Variants in SYN3 observed in about 807,000 individuals in gnomAD.
The protein encoded by SYN3 is synapsin III, also known as synapsin-3.
Under a neutral mutation model 65.8 loss-of-function variants are expected in SYN3, and 35 were observed. The ratio of observed to expected loss-of-function variants is 0.53; its 90% confidence interval spans 0.41 to 0.70. The LOEUF is 0.70. SYN3 is among the 30% of genes least tolerant of loss of function. The probability of loss-of-function intolerance (pLI) is 0.00; values close to 1 mark genes in which losing one functional copy is unlikely to be tolerated. For missense variants in SYN3, 680 were observed against 749.0 expected, an observed-to-expected ratio of 0.91 and a Z score of 1.08; for synonymous variants, 270 against 292.9, an observed-to-expected ratio of 0.92 and a Z score of 0.80.
In SYN3 at chr22:32,945,417, C is replaced by A. The variant is rs1408910819; in HGVS notation, c.370-13936G>T. On this transcript the variant is annotated intron_variant, in intron 3 of 13. Coordinates refer to ENST00000358763, the MANE Select transcript of SYN3 (RefSeq NM_003490.4). ...CTACAACCATCTGATCTTTGACAAA[C>A]CTGACAAAAACAAGAAATGGGGAAA... 4.0e-5 allele frequency among the ~76,000 whole-genome samples: 6 copies of A among 151,820 alleles called. No homozygotes were observed. The East Asian group carries it at 1.2e-3, about 29-fold the overall frequency.
At chr22:32,969,484 T>C (rs1385965105) in intron 3 of SYN3, among the ~76,000 whole-genome samples, 2 of 152,194 alleles carry the variant, frequency 1.3e-5, no homozygotes, top group African/African-American at 4.8e-5. Flanking sequence ...ACTTCATTTG[T>C]TTTTGCTATT....
chr22:32,846,452 A>G (rs1207913835), intron 6 of SYN3, among the ~76,000 whole-genome samples: 3 of 152,254 alleles, frequency 2.0e-5, no homozygotes, highest in Admixed American at 1.3e-4. Flanking sequence ...AGACATCACC[A>G]TAGTGGTGAT....
chr22:32,539,792 A>G (rs941908470), intron 8 of SYN3, among the ~76,000 whole-genome samples: 3 of 14,130 alleles, frequency 2.1e-4, no homozygotes, highest in African/African-American at 6.1e-4. Flanking sequence ...AATCCTCAAG[A>G]AAAAAAAAAA....
At chr22:32,948,104 AT>A (rs1164594284) in intron 3 of SYN3, among the ~76,000 whole-genome samples, 1 of 152,068 alleles carries the variant, frequency 6.6e-6, no homozygotes, top group Non-Finnish European at 1.5e-5. Context: ...CACTTTTCAA[AT>A]TTTTATTGAC....
At chr22:32,913,480 T>A (rs1601682720) in intron 4 of SYN3, among the ~76,000 whole-genome samples, 5 of 151,574 alleles carry the variant, frequency 3.3e-5, no homozygotes, top group African/African-American at 9.7e-5. Flanking sequence ...TTTTTTTTTT[T>A]AAAGAAAAAA....
chr22:32,896,320 G>A (rs2049592656), intron 4 of SYN3, among the ~76,000 whole-genome samples: 1 of 152,130 alleles, frequency 6.6e-6, no homozygotes, highest in African/African-American at 2.4e-5. Flanking sequence ...AGCTGGGCAT[G>A]GTGGCATGCG....
rs73881937 is a variant in SYN3 at position 33,015,474 on chromosome 22, A to G, written c.-162-8650T>C. 5.6e-3 allele frequency: 1,230 copies of G among 221,554 alleles called. 26 individuals carry two copies. Among genetic ancestry groups the G allele is most frequent in the African/African-American group, 0.027 (1,186 of 43,268 alleles). 13.7% of individuals were successfully genotyped at this position (221,554 alleles called of 1,614,324 possible). ...CAACAAAAACTAGTTGATCCTTACT[A>G]CTTTAATTTAGCTGACAACCAGTGC... On this transcript the variant is annotated intron_variant, in intron 1 of 13. Coordinates refer to ENST00000358763, the MANE Select transcript of SYN3 (RefSeq NM_003490.4).
chr22:33,037,150 T>C (rs2145920779), intron 1 of SYN3, among the ~76,000 whole-genome samples: 1 of 152,328 alleles, frequency 6.6e-6, no homozygotes, highest in African/African-American at 2.4e-5. Context: ...CCGCAGCCAA[T>C]GCACCTAAGA....
rs3788466 is a variant in SYN3 at position 32,625,352 on chromosome 22, C to A, written c.712-28616G>T. Among the ~76,000 whole-genome samples the A allele has an allele frequency of 2.6e-5, 4 of 152,242 alleles. No homozygotes were observed. In the East Asian group the frequency reaches 7.7e-4, roughly 29 times the overall value. On this transcript the variant is annotated intron_variant, in intron 6 of 13. Coordinates refer to ENST00000358763, the MANE Select transcript of SYN3 (RefSeq NM_003490.4). ...GTTAGATCCAGCCATCCATGTGCCA[C>A]GTTTCTGCAGGCAAGACCAGCTCCC... is the stretch of plus-strand genomic sequence containing the variant.
At chr22:32,522,533 C>T (rs754267840) in intron 12 of SYN3, among the ~76,000 whole-genome samples, 11 of 152,160 alleles carry the variant, frequency 7.2e-5, no homozygotes, top group Non-Finnish European at 1.2e-4. Context: ...TATGTAGTTT[C>T]GGAACACTTA....
chr22:32,755,629 C>A (rs2045266676), intron 6 of SYN3, among the ~76,000 whole-genome samples: 1 of 152,144 alleles, frequency 6.6e-6, no homozygotes, highest in Non-Finnish European at 1.5e-5. Flanking sequence ...AAGCCTACTG[C>A]AAATCCCATA....
At chr22:32,934,684 A>G (rs2050724221) in intron 3 of SYN3, among the ~76,000 whole-genome samples, 1 of 152,192 alleles carries the variant, frequency 6.6e-6, no homozygotes. Context: ...AGTGAATTGA[A>G]TTGTATTCCT....
At chr22:32,617,891 T>C (rs2146727516) in intron 6 of SYN3, among the ~76,000 whole-genome samples, 1 of 151,938 alleles carries the variant, frequency 6.6e-6, no homozygotes, top group Non-Finnish European at 1.5e-5. Context: ...CCTTCTCCTC[T>C]ATGCTGTTTC....
chr22:32,855,216 C>G (rs1331627122), intron 6 of SYN3, among the ~76,000 whole-genome samples: 1 of 152,212 alleles, frequency 6.6e-6, no homozygotes, highest in African/African-American at 2.4e-5. Context: ...TACCAAATCT[C>G]ACAGTTCACA....
chr22:32,877,097 C>T (rs1246357875), intron 4 of SYN3, among the ~76,000 whole-genome samples: 2 of 152,218 alleles, frequency 1.3e-5, no homozygotes, highest in Non-Finnish European at 2.9e-5. Context: ...TGCCCTCTGG[C>T]CCCAATTCCA....
At chr22:32,755,747 CACACACCA>C (rs2045270163) in intron 6 of SYN3, among the ~76,000 whole-genome samples, 2 of 152,200 alleles carry the variant, frequency 1.3e-5, no homozygotes, top group Admixed American at 1.3e-4. Flanking sequence ...CCCAACTTCT[CACACACCA>C]ATGCCCTTCT....
At chr22:32,621,947 C>T (rs1221627652) in intron 6 of SYN3, among the ~76,000 whole-genome samples, 1 of 151,950 alleles carries the variant, frequency 6.6e-6, no homozygotes, top group Non-Finnish European at 1.5e-5. Flanking sequence ...AGAGGTGGGG[C>T]TGAGGATGGT....
At chr22:32,748,187 T>C (rs569609763) in intron 6 of SYN3, among the ~76,000 whole-genome samples, 18 of 152,302 alleles carry the variant, frequency 1.2e-4, no homozygotes, top group Non-Finnish European at 2.2e-4. Flanking sequence ...TCTCATAATA[T>C]AAGAATGAAC....
At chr22:32,949,823 G>C (rs1437764900) in intron 3 of SYN3, among the ~76,000 whole-genome samples, 1 of 152,206 alleles carries the variant, frequency 6.6e-6, no homozygotes, top group Non-Finnish European at 1.5e-5. Context: ...CAATAGGAAA[G>C]AAGCAGAAAT....
Sources: gnomAD v4.1 joint callset for allele counts (sites outside exome capture counted in the v4.1 genomes callset) on GRCh38, gnomAD v4.1.1 for gene constraint, MANE v1.5 for transcripts, NCBI Gene and HGNC (gene_info 2026-07-23, HGNC 2026-07-21) for gene names.